The following PHF20 variants were observed in gnomAD, a reference collection of about 807,000 sequenced individuals.
The protein encoded by PHF20 is PHD finger protein 20.
Under a neutral mutation model 113.5 loss-of-function variants are expected in PHF20, and 23 were observed. The observed-to-expected ratio is 0.20, with a 90% CI of 0.15 to 0.29. The LOEUF (loss-of-function observed/expected upper bound fraction) is 0.29, where lower values mean the gene tolerates loss of function less well. Among genes scored for constraint, PHF20 ranks in the 10% least tolerant of loss-of-function variants. The probability of loss-of-function intolerance (pLI) is 1.00; values close to 1 mark genes in which losing one functional copy is unlikely to be tolerated. For missense variants in PHF20, 943 were observed against 1,219.6 expected (o/e 0.77, Z 3.38); for synonymous variants, 434 against 457.3 (o/e 0.95, Z 0.65).
chr20:35,929,988 G>A (rs1170605234), intron 14 of PHF20, among the ~76,000 whole-genome samples: 4 of 152,210 alleles, frequency 2.6e-5, no homozygotes, highest in African/African-American at 9.7e-5. Context: ...ATTGACAGTC[G>A]AACAACAGTC....
At chr20:35,916,258 C>T (rs1225483935) in intron 12 of PHF20, among the ~76,000 whole-genome samples, 2 of 152,364 alleles carry the variant, frequency 1.3e-5, no homozygotes, top group East Asian at 3.9e-4. Context: ...GTTGCTGCCA[C>T]ACACCTTCAA....
intron 1 of PHF20, among the ~76,000 whole-genome samples, chr20:35,795,660 A>G (rs568494736): frequency 3.3e-5 from 5 of 152,174 alleles, no homozygotes; most frequent in East Asian, 1.9e-4. Context: ...GAGCTCAACA[A>G]TGTAGCTTGT....
At chr20:35,825,057 A>G (rs1384743141) in intron 2 of PHF20, among the ~76,000 whole-genome samples, 1 of 152,212 alleles carries the variant, frequency 6.6e-6, no homozygotes, top group African/African-American at 2.4e-5. Context: ...ATGATTTTAC[A>G]TCATATGGGT....
chr20:35,808,722 GC>G (rs2041925899), intron 2 of PHF20, among the ~76,000 whole-genome samples: 1 of 151,710 alleles, frequency 6.6e-6, no homozygotes, highest in South Asian at 2.1e-4. Context: ...ACAGGCGCCC[GC>G]CACCACGCCT....
chr20:35,841,511 C>T (rs901526375), intron 2 of PHF20, among the ~76,000 whole-genome samples: 3 of 152,102 alleles, frequency 2.0e-5, no homozygotes, highest in South Asian at 4.1e-4. Flanking sequence ...GTGGCTCATG[C>T]CTGTAATGCT....
chr20:35,784,857 C>T (rs2041377110), intron 1 of PHF20, among the ~76,000 whole-genome samples: 1 of 151,986 alleles, frequency 6.6e-6, no homozygotes, highest in African/African-American at 2.4e-5. Flanking sequence ...TCGAGACTAG[C>T]CTCGGCAATG....
intron 9 of PHF20, among the ~76,000 whole-genome samples, chr20:35,879,229 T>C (rs2054583485): frequency 6.6e-6 from 1 of 152,164 alleles, no homozygotes; most frequent in East Asian, 1.9e-4. Flanking sequence ...TTCCCACAAC[T>C]GACAATATAT....
At chr20:35,928,014 C>A in intron 14 of PHF20, 135 bp downstream of exon 14, 1 of 686,384 alleles carries the variant, frequency 1.5e-6, no homozygotes. Context: ...TCCTCCTCGC[C>A]TCTGTTGCTA....
chr20:35,813,573 C>T (rs1176515695), intron 2 of PHF20, among the ~76,000 whole-genome samples: 7 of 151,954 alleles, frequency 4.6e-5, no homozygotes, highest in Non-Finnish European at 8.8e-5. Context: ...AGAAATTGAC[C>T]TCTGAGCTGG....
At chr20:35,923,463 A>G (rs2055559429) in intron 13 of PHF20, among the ~76,000 whole-genome samples, 1 of 152,186 alleles carries the variant, frequency 6.6e-6, no homozygotes, top group Admixed American at 6.5e-5. Flanking sequence ...AATTAAGTAA[A>G]TAAAAATTTA....
At chr20:35,904,346 G>A (rs949756401) in intron 10 of PHF20, among the ~76,000 whole-genome samples, 5 of 144,780 alleles carry the variant, frequency 3.5e-5, no homozygotes, top group African/African-American at 7.8e-5. Flanking sequence ...GTGCAGTGGC[G>A]TGATCTTGGC....
intron 15 of PHF20, among the ~76,000 whole-genome samples, chr20:35,934,510 T>C (rs2055826019): frequency 6.6e-6 from 1 of 152,268 alleles, no homozygotes; most frequent in Non-Finnish European, 1.5e-5. Flanking sequence ...TCCCCTTATC[T>C]GCATGGTCTT....
At chr20:35,879,605 A>G (rs1248008259) in intron 9 of PHF20, among the ~76,000 whole-genome samples, 2 of 151,996 alleles carry the variant, frequency 1.3e-5, no homozygotes, top group African/African-American at 4.8e-5. Context: ...ACTTTTATAT[A>G]CCATCGAATG....
chr20:35,893,603 C>G (rs1009233189), intron 9 of PHF20, among the ~76,000 whole-genome samples: 1 of 152,030 alleles, frequency 6.6e-6, no homozygotes, highest in African/African-American at 2.4e-5. Context: ...CACTCCCAGC[C>G]GGCCATGGCT....
chr20:35,777,586 T>C (rs774034817), intron 1 of PHF20, among the ~76,000 whole-genome samples: 3 of 152,028 alleles, frequency 2.0e-5, no homozygotes, highest in Admixed American at 6.6e-5. Flanking sequence ...GAGGCCAGAG[T>C]GGGAGGATTG....
intron 7 of PHF20, 99 bp from the exon 8 acceptor site, chr20:35,870,856 G>A: frequency 1.3e-6 from 1 of 778,404 alleles, no homozygotes; most frequent in South Asian, 2.0e-5. Flanking sequence ...TAGTCTCTCT[G>A]TAAAGTCCTT....
intron 1 of PHF20, among the ~76,000 whole-genome samples, chr20:35,775,294 C>T (rs1401896454): frequency 6.6e-6 from 1 of 152,140 alleles, no homozygotes; most frequent in African/African-American, 2.4e-5. Flanking sequence ...AGTGAGGTTT[C>T]ATACACGAAG....
chr20:35,861,612 T>C (rs758549729), intron 5 of PHF20, among the ~76,000 whole-genome samples: 16 of 152,206 alleles, frequency 1.1e-4, no homozygotes, highest in Non-Finnish European at 2.1e-4. Flanking sequence ...TGATTATTAT[T>C]TTAGCTAATT....
chr20:35,945,541 C>T (rs556149532), intron 17 of PHF20, among the ~76,000 whole-genome samples: 1 of 152,210 alleles, frequency 6.6e-6, no homozygotes, highest in East Asian at 1.9e-4. Flanking sequence ...GAGGATTGCG[C>T]AGTAGGTTGC....
Sources: allele counts gnomAD v4.1 joint callset (sites outside exome capture counted in the v4.1 genomes callset), GRCh38; gene constraint gnomAD v4.1.1; transcripts MANE v1.5; gene names NCBI Gene and HGNC (gene_info 2026-07-23, HGNC 2026-07-21).